ANLN: variants seen among roughly 807,000 people sequenced by gnomAD.
ANLN encodes anillin, actin binding protein.
In ANLN, 59 loss-of-function variants were observed where a neutral mutation model predicts 135.1. The observed-to-expected ratio is 0.44, with a 90% confidence interval of 0.35 to 0.54. The LOEUF (loss-of-function observed/expected upper bound fraction) is 0.54, where lower values mean the gene tolerates loss of function less well. Among genes scored for constraint, ANLN ranks in the 20% least tolerant of loss-of-function variants. The pLI is 0.00. For missense variants in ANLN, 1,182 were observed against 1,340.0 expected (o/e 0.88, Z 1.84); for synonymous variants, 406 against 456.4 (o/e 0.89, Z 1.41).
chr7:36,427,144 G>C (rs1788113639), intron 20 of ANLN, 116 bp downstream of exon 20: 2 of 596,310 alleles, frequency 3.4e-6, no homozygotes, highest in Admixed American at 3.7e-5. Context: ...GAAAACATAT[G>C]TTCTTAGAAT....
chr7:36,407,837 A>G lies in ANLN; in HGVS notation c.977A>G (p.Lys326Arg), dbSNP rs759411952. The stretch of plus-strand genomic sequence containing the variant: ...CCAAAAACTCCTATTAGTCCTCTGA[A>G]AACGGGGGTATCGAAACCAATTGTG... ...LLPKTPISPL[K>R]TGVSKPIVKS... Residue 326 changes from lysine to arginine, a missense_variant, in exon 5 of 24, where the codon AAA becomes AGA. Around this residue, in one of 3 missense-constraint regions of ANLN, gnomAD observed 1,022 missense variants for 1,134.0 expected, o/e 0.90. Transcript: ENST00000265748. 6.2e-6 allele frequency: 10 copies of G among 1,613,924 alleles called. No homozygotes were observed. The highest frequency in any genetic ancestry group is 7.6e-6 in the Non-Finnish European group (9 of 1,179,848).
At chr7:36,439,182 A>T in intron 20 of ANLN, 22 bp from the exon 21 acceptor site, 1 of 1,392,116 alleles carries the variant, frequency 7.2e-7, no homozygotes, top group Non-Finnish European at 1.0e-6. Flanking sequence ...TTTTGCAAAT[A>T]ATTTACCTGT....
At chr7:36,437,157 A>G (rs1351993612) in intron 20 of ANLN, among the ~76,000 whole-genome samples, 1 of 151,342 alleles carries the variant, frequency 6.6e-6, no homozygotes, top group Non-Finnish European at 1.5e-5. Flanking sequence ...TCTCCTCCCC[A>G]CTCCCTGGCA....
At chr7:36,399,815 T>C (rs1393330645) in intron 3 of ANLN, among the ~76,000 whole-genome samples, 1 of 152,176 alleles carries the variant, frequency 6.6e-6, no homozygotes, top group Non-Finnish European at 1.5e-5. Flanking sequence ...AAAACATAAA[T>C]TGAGCAGCTG....
At position 36,420,187 on chromosome 7, in the gene ANLN, A is replaced by G. The variant is rs369971629; in HGVS notation, c.1888A>G (p.Arg630Gly). ...VSPESLVSTPRLELKDTSRSD... is the reference protein window; with the variant it reads ...VSPESLVSTPGLELKDTSRSD... ...CCCACAGAGTTTAGTGTCCACACCT[A>G]GACTGGAATTGAAAGACACCAGCAG... is the stretch of plus-strand genomic sequence containing the variant. The change falls in exon 11 of 24, where the codon AGA becomes GGA. Residue 630 changes from arginine to glycine, a missense_variant. By Grantham distance (125) the Arg-to-Gly change is moderately radical. Transcript: ENST00000265748. 230 of 1,613,916 alleles carry G rather than the reference A, an allele frequency of 1.4e-4. No homozygotes were observed. The highest frequency in any genetic ancestry group is 2.3e-4 in the South Asian group (21 of 91,070).
rs375733596 is a variant in ANLN, at chr7:36,417,104, A to T, written c.1547A>T (p.Lys516Ile). The T allele has an allele frequency of 2.4e-5, 39 of 1,607,200 alleles. No individual in the cohort carries two copies. In the East Asian group the frequency reaches 8.1e-4, roughly 33 times the overall value. Reference protein sequence around the residue: ...PKGFTECEMTKSSPLKITLFL... With the variant: ...PKGFTECEMTISSPLKITLFL... ...GGTTTCACTGAATGCGAAATGACGA[A>T]ATCTAGCCCTTTGAAAATAACATTG... Residue 516 changes from lysine to isoleucine, a missense_variant, in exon 9 of 24, where the codon AAA becomes ATA. Around this residue, in one of 3 missense-constraint regions of ANLN, gnomAD observed 1,022 missense variants for 1,134.0 expected, o/e 0.90. Coordinates refer to ENST00000265748, the MANE Select transcript of ANLN (RefSeq NM_018685.5).
chr7:36,398,430 T>A (rs1786798410), intron 2 of ANLN, among the ~76,000 whole-genome samples: 1 of 152,216 alleles, frequency 6.6e-6, no homozygotes, highest in Admixed American at 6.5e-5. Flanking sequence ...TGTGTGACTT[T>A]AGGCGGGCAA....
At chr7:36,406,153 T>G in intron 3 of ANLN, 28 bp from the exon 4 acceptor site, 1 of 1,564,376 alleles carries the variant, frequency 6.4e-7, no homozygotes, top group Non-Finnish European at 8.7e-7. Context: ...AAACATGGTT[T>G]TTAACTCTTT....
Position 36,399,224 on chromosome 7 carries a change from G to C in ANLN, c.318G>C (p.Gln106His). The C allele has an allele frequency of 6.2e-7, 1 of 1,614,160 alleles. No homozygotes were observed. The highest frequency in any genetic ancestry group is 8.5e-7 in the Non-Finnish European group (1 of 1,180,020). ...CAAGTCCTGTGTCTCCTCAGGTGCA[G>C]CCACAAGCAGCAGATACCATCAGTG... is the stretch of plus-strand genomic sequence containing the variant. The part of the protein sequence containing the change: ...CSPSPVSPQV[Q>H]PQAADTISDS... Residue 106 changes from glutamine (Q) to histidine (H), a missense_variant, in exon 3 of 24, where the codon CAG becomes CAC. Coordinates refer to ENST00000265748, the MANE Select transcript of ANLN (RefSeq NM_018685.5).
At position 36,415,888 on chromosome 7, in the gene ANLN, A is replaced by G. The variant is rs1441266642; in HGVS notation, c.1522+4A>G. On this transcript the variant is annotated splice_donor_region_variant and intron_variant, in intron 8 of 23. Transcript: ENST00000265748. ...AATTCTAGTACAGAACCTAAAGGTC[A>G]GTGTTTCCAGATTGTTCATGGTTAG... is the stretch of plus-strand genomic sequence containing the variant. The G allele has an allele frequency of 1.9e-6, 3 of 1,574,644 alleles. No homozygotes were observed. Among genetic ancestry groups the G allele is most frequent in the African/African-American group, 2.8e-5 (2 of 72,706 alleles).
rs117328961 is a variant in ANLN at position 36,398,980 on chromosome 7, G to A, written c.173-99G>A. 448 of 878,738 alleles carry A rather than the reference G, an allele frequency of 5.1e-4. 7 individuals are homozygous for A. The East Asian group carries it at 0.011, about 22-fold the overall frequency. The allele number at this position is 878,738 out of a possible 1,614,324, so 54.4% of individuals were successfully genotyped here. On this transcript the variant is annotated intron_variant, in intron 2 of 23. Coordinates refer to ENST00000265748, the MANE Select transcript of ANLN (RefSeq NM_018685.5). ...AACTAAAATCATTTAAAAGAATAGG[G>A]AGGGGTGATGTTTTATTAATTTGTT...
intron 22 of ANLN, among the ~76,000 whole-genome samples, chr7:36,444,703 A>C (rs935048492): frequency 6.6e-6 from 1 of 152,100 alleles, no homozygotes; most frequent in African/African-American, 2.4e-5. Context: ...CATAATAGAC[A>C]TAGCTATTGT....
intron 4 of ANLN, 86 bp from the exon 5 acceptor site, chr7:36,407,648 A>G: frequency 2.1e-6 from 2 of 965,618 alleles, no homozygotes; most frequent in Non-Finnish European, 3.2e-6. Context: ...AAAGGCTATC[A>G]AGTAAATAGG....
rs183554135 is a variant in ANLN at position 36,396,106 on chromosome 7, G to T, written c.19-160G>T. 2.2e-4 allele frequency among the ~76,000 whole-genome samples: 33 copies of T among 152,164 alleles called. No homozygotes were observed. The East Asian group carries it at 6.0e-3, about 28-fold the overall frequency. On this transcript the variant is annotated intron_variant, in intron 1 of 23. Transcript: ENST00000265748. ...TTCCTGTAATAGTTATGACATTGGG[G>T]TACTCATTTAGTGAATCTTGACATA...
At position 36,419,276 on chromosome 7, in the gene ANLN, G is replaced by A. The variant is rs750028955; in HGVS notation, c.1666G>A (p.Asp556Asn). 4.3e-6 allele frequency: 7 copies of A among 1,613,960 alleles called. No homozygotes were observed. Among genetic ancestry groups the A allele is most frequent in the South Asian group, 3.3e-5 (3 of 91,044 alleles). ...ACGTGAAATTGAGATGAGTGTGGAT[G>A]ATGATGATATCAATAGTTCGAAAGT... ...VIREIEMSVD[D>N]DDINSSKVIN... The change falls in exon 10 of 24, where the codon GAT becomes AAT. Residue 556 changes from aspartate to asparagine, a missense_variant. By Grantham distance (23) the Asp-to-Asn change is conservative (BLOSUM62 1). This residue lies in a region of ANLN where 1,022 missense variants were observed against 1,134.0 expected (regional missense o/e 0.90). Transcript: ENST00000265748.
chr7:36,409,978 T>G (rs1013427205), intron 5 of ANLN, among the ~76,000 whole-genome samples: 1 of 152,208 alleles, frequency 6.6e-6, no homozygotes, highest in East Asian at 1.9e-4. Flanking sequence ...CGCTGAATAC[T>G]ATTTTAAGAC....
chr7:36,405,155 G>A (rs1348235338), intron 3 of ANLN, among the ~76,000 whole-genome samples: 1 of 152,240 alleles, frequency 6.6e-6, no homozygotes, highest in East Asian at 1.9e-4. Flanking sequence ...TGTTACAGTT[G>A]CCTGCAATAT....
At chr7:36,433,229 C>T (rs570155244) in intron 20 of ANLN, among the ~76,000 whole-genome samples, 3 of 152,234 alleles carry the variant, frequency 2.0e-5, no homozygotes, top group South Asian at 4.1e-4. Flanking sequence ...AGTCATTGTC[C>T]TGTCAAGAAG....
At chr7:36,448,258 G>A (rs1379361210) in intron 22 of ANLN, among the ~76,000 whole-genome samples, 2 of 152,056 alleles carry the variant, frequency 1.3e-5, no homozygotes, top group South Asian at 2.1e-4. Context: ...AAAGGTATCC[G>A]CCTGCCTCCA....
Sources: allele counts gnomAD v4.1 joint callset (sites outside exome capture counted in the v4.1 genomes callset), GRCh38; gene constraint gnomAD v4.1.1; regional missense constraint gnomAD v4.1.1; transcripts MANE v1.5; gene names NCBI Gene and HGNC (gene_info 2026-07-23, HGNC 2026-07-21).